Variants in CDH13 observed in about 807,000 individuals in gnomAD.
CDH13 encodes the protein cadherin-13.
Under a neutral mutation model 63.8 loss-of-function variants are expected in CDH13, and 24 were observed. The observed-to-expected ratio is 0.38, with a 90% CI of 0.27 to 0.53. The LOEUF (loss-of-function observed/expected upper bound fraction) is 0.53. Ranked by LOEUF, CDH13 falls within the 20% of genes least tolerant of loss-of-function variation. CDH13 has a pLI of 0.85. For missense variants in CDH13, 1,049 were observed against 903.1 expected (o/e 1.16, Z -2.07); for synonymous variants, 503 against 355.3 (o/e 1.42, Z -4.67).
intron 6 of CDH13, among the ~76,000 whole-genome samples, chr16:83,462,764 A>G (rs781149831): frequency 6.6e-6 from 1 of 152,188 alleles, no homozygotes; most frequent in South Asian, 2.1e-4. Context: ...TCAGATAAAA[A>G]GAAAGAAATT....
At position 82,733,859 on chromosome 16, in the gene CDH13, T is replaced by G. The variant is rs150495407; in HGVS notation, c.45+106722T>G. On this transcript the variant is annotated intron_variant, in intron 1 of 13. Coordinates refer to ENST00000567109, the MANE Select transcript of CDH13 (RefSeq NM_001257.5). ...GAATATGTATGCACTTATTCTTGCATTCAGCAAATAAGTACATAGCACCTA... is the reference window on the plus strand; with the variant it reads ...GAATATGTATGCACTTATTCTTGCAGTCAGCAAATAAGTACATAGCACCTA... Among the ~76,000 whole-genome samples, 147 of 152,374 alleles carry G rather than the reference T, an allele frequency of 9.6e-4. 1 individual carries two copies. Among genetic ancestry groups the G allele is most frequent in the Admixed American group, 2.4e-3 (36 of 15,310 alleles).
At chr16:83,733,221 C>G (rs1478953013) in intron 10 of CDH13, among the ~76,000 whole-genome samples, 1 of 152,198 alleles carries the variant, frequency 6.6e-6, no homozygotes, top group Non-Finnish European at 1.5e-5. Context: ...AAATAACCCT[C>G]CAGCTCCTTC....
At chr16:83,248,972 C>G (rs1376338647) in intron 5 of CDH13, among the ~76,000 whole-genome samples, 1 of 152,204 alleles carries the variant, frequency 6.6e-6, no homozygotes, top group Non-Finnish European at 1.5e-5. Context: ...TTATCACCAG[C>G]TTTCACTCTT....
rs550311183 is a variant in CDH13 at position 83,161,813 on chromosome 16, C to T, written c.483+36312C>T. On this transcript the variant is annotated intron_variant, in intron 4 of 13. Coordinates refer to ENST00000567109, the MANE Select transcript of CDH13 (RefSeq NM_001257.5). Reference sequence around the variant, plus strand: ...CAAACAACAACTCTAAAAGATTCCCCGAGATGAGAGTTTCAGAAGCCTGAG... The same window carrying T: ...CAAACAACAACTCTAAAAGATTCCCTGAGATGAGAGTTTCAGAAGCCTGAG... 9.2e-5 allele frequency among the ~76,000 whole-genome samples: 14 copies of T among 152,240 alleles called. No homozygotes were observed. In the South Asian group the frequency reaches 1.0e-3, roughly 11 times the overall value.
At chr16:83,585,438 C>T (rs1014833776) in intron 7 of CDH13, among the ~76,000 whole-genome samples, 3 of 152,098 alleles carry the variant, frequency 2.0e-5, no homozygotes, top group Admixed American at 2.0e-4. Flanking sequence ...GAGGGGGCCC[C>T]AGTTTTGATG....
At chr16:82,807,835 AC>A (rs1310115221) in intron 1 of CDH13, among the ~76,000 whole-genome samples, 2 of 152,198 alleles carry the variant, frequency 1.3e-5, no homozygotes, top group African/African-American at 4.8e-5. Context: ...ATTACTGGGG[AC>A]TTTTAACAAA....
At chr16:83,115,472 A>G (rs1281381533) in intron 3 of CDH13, among the ~76,000 whole-genome samples, 3 of 152,350 alleles carry the variant, frequency 2.0e-5, no homozygotes, top group East Asian at 3.9e-4. Context: ...AGTCTAGAAT[A>G]TAAGCTTCAA....
At chr16:83,207,793 G>A (rs2039226979) in intron 4 of CDH13, among the ~76,000 whole-genome samples, 1 of 148,162 alleles carries the variant, frequency 6.7e-6, no homozygotes, top group Admixed American at 6.7e-5. Flanking sequence ...GAAGCCTAGT[G>A]AAAATAACCA....
intron 1 of CDH13, among the ~76,000 whole-genome samples, chr16:82,841,786 C>G (rs1264279485): frequency 6.6e-6 from 1 of 152,016 alleles, no homozygotes; most frequent in African/African-American, 2.4e-5. Flanking sequence ...CATTCTTAAT[C>G]CAAATGATCT....
intron 1 of CDH13, among the ~76,000 whole-genome samples, chr16:82,640,429 G>T (rs867926748): frequency 6.6e-6 from 1 of 152,092 alleles, no homozygotes; most frequent in Non-Finnish European, 1.5e-5. Flanking sequence ...CCAGGGGTAG[G>T]TATCCTTTTT....
chr16:83,340,923 T>C (rs761234394), intron 5 of CDH13, among the ~76,000 whole-genome samples: 4 of 152,170 alleles, frequency 2.6e-5, no homozygotes, highest in South Asian at 4.1e-4. Context: ...AGGTCAACCA[T>C]TGAATCTAAG....
At chr16:83,747,427 C>T (rs1332778999) in intron 10 of CDH13, among the ~76,000 whole-genome samples, 1 of 152,094 alleles carries the variant, frequency 6.6e-6, no homozygotes, top group Admixed American at 6.5e-5. Context: ...TGCCTTTCAC[C>T]TTCCGCCATG....
At chr16:82,719,804 C>T (rs1207008142) in intron 1 of CDH13, among the ~76,000 whole-genome samples, 3 of 148,386 alleles carry the variant, frequency 2.0e-5, no homozygotes, top group Admixed American at 6.7e-5. Flanking sequence ...CAAGATCACG[C>T]CACTGCACTC....
At position 83,299,543 on chromosome 16, in the gene CDH13, G is replaced by T. The variant is rs114093729; in HGVS notation, c.637-45319G>T. Among the ~76,000 whole-genome samples the T allele has an allele frequency of 2.3e-3, 356 of 152,156 alleles. 1 individual carries two copies. The highest frequency in any genetic ancestry group is 8.3e-3 in the African/African-American group (344 of 41,504). Reference sequence around the variant, plus strand: ...CACTAGAGATCATCTTACTTCCCTCGATTATTCTTTGTTCATTCCACATAA... The same window carrying T: ...CACTAGAGATCATCTTACTTCCCTCTATTATTCTTTGTTCATTCCACATAA... On this transcript the variant is annotated intron_variant, in intron 5 of 13. Coordinates refer to ENST00000567109, the MANE Select transcript of CDH13 (RefSeq NM_001257.5).
At position 83,097,241 on chromosome 16, in the gene CDH13, C is replaced by G. The variant is rs538917548; in HGVS notation, c.367-28144C>G. Among the ~76,000 whole-genome samples, 12 of 152,226 alleles carry G rather than the reference C, an allele frequency of 7.9e-5. No individual in the cohort carries two copies. The South Asian group carries it at 8.3e-4, about 11-fold the overall frequency. ...TATATGCCTAAGAACTTATGAAGCT[C>G]ATAGGATAAGAATTCTTGGCAATCC... On this transcript the variant is annotated intron_variant, in intron 3 of 13. Transcript: ENST00000567109.
At chr16:83,232,299 C>T (rs1162764770) in intron 5 of CDH13, among the ~76,000 whole-genome samples, 4 of 143,404 alleles carry the variant, frequency 2.8e-5, no homozygotes, top group African/African-American at 1.0e-4. Flanking sequence ...CTGAGGCGAG[C>T]AGATCACTTG....
At chr16:83,430,221 AGT>A (rs933956792) in intron 6 of CDH13, among the ~76,000 whole-genome samples, 5 of 152,216 alleles carry the variant, frequency 3.3e-5, no homozygotes, top group Non-Finnish European at 5.9e-5. Flanking sequence ...AACCAGCCTA[AGT>A]GTTTCCTGAC....
At chr16:83,070,329 G>C (rs6565111) in intron 3 of CDH13, among the ~76,000 whole-genome samples, 88,169 of 152,064 alleles carry the variant, frequency 0.58, 26,501 homozygotes, top group African/African-American at 0.74. Flanking sequence ...CCTTTGAGGT[G>C]CCTTCTGGCC....
At chr16:83,313,793 G>A (rs1032407684) in intron 5 of CDH13, among the ~76,000 whole-genome samples, 1 of 152,110 alleles carries the variant, frequency 6.6e-6, no homozygotes, top group African/African-American at 2.4e-5. Flanking sequence ...TCTGGAATTG[G>A]CTAAGGAAGA....
Sources: allele counts gnomAD v4.1 joint callset (sites outside exome capture counted in the v4.1 genomes callset), GRCh38; gene constraint gnomAD v4.1.1; transcripts MANE v1.5; gene names NCBI Gene and HGNC (gene_info 2026-07-23, HGNC 2026-07-21).